Variants in NEK6 observed in about 807,000 individuals in gnomAD.
NEK6 encodes the protein serine/threonine-protein kinase Nek6.
Under a neutral mutation model 43.5 loss-of-function variants are expected in NEK6, and 27 were observed. The observed-to-expected ratio is 0.62, with a 90% confidence interval of 0.46 to 0.86. The LOEUF is 0.86. NEK6 is among the 40% of genes least tolerant of loss of function. The pLI is 0.00. For missense variants in NEK6, 318 were observed against 414.4 expected (o/e 0.77, Z 2.02); for synonymous variants, 167 against 164.1 (o/e 1.02, Z -0.14).
At chr9:124,342,353 G>A (rs1419282975) in intron 8 of NEK6, among the ~76,000 whole-genome samples, 6 of 152,246 alleles carry the variant, frequency 3.9e-5, no homozygotes, top group Non-Finnish European at 7.3e-5. Flanking sequence ...ACGTGTCTGT[G>A]TGTAGGCAGC....
intron 7 of NEK6, among the ~76,000 whole-genome samples, chr9:124,330,235 G>T (rs1040789951): frequency 6.6e-6 from 1 of 152,226 alleles, no homozygotes; most frequent in Admixed American, 6.5e-5. Flanking sequence ...CAGAATGAGC[G>T]TCAGACGAAT....
intron 7 of NEK6, among the ~76,000 whole-genome samples, chr9:124,333,999 G>A (rs1464311889): frequency 2.0e-5 from 3 of 151,906 alleles, no homozygotes; most frequent in Admixed American, 1.3e-4. Context: ...GGATGGTCTC[G>A]ATCTCCTGAC....
At chr9:124,328,101 G>A (rs943073557) in intron 7 of NEK6, among the ~76,000 whole-genome samples, 2 of 152,208 alleles carry the variant, frequency 1.3e-5, no homozygotes, top group African/African-American at 4.8e-5. Flanking sequence ...GGGGGGTGCT[G>A]AAGGGCTGGA....
chr9:124,294,411 G>C (rs1004902639), intron 1 of NEK6, among the ~76,000 whole-genome samples: 1 of 151,806 alleles, frequency 6.6e-6, no homozygotes, highest in Non-Finnish European at 1.5e-5. Flanking sequence ...AGAATCACTT[G>C]AACCCAGGAG....
In NEK6 at chr9:124,337,534, G is replaced by C. The variant is rs999645527; in HGVS notation, c.623-2037G>C. ...ACAATAATGTGCTGTTTTGTGCCTG[G>C]TTTCTTTTACCCAGCATTATGTCCA... is the stretch of plus-strand genomic sequence containing the variant. On this transcript the variant is annotated intron_variant, in intron 7 of 9. Coordinates refer to ENST00000320246, the MANE Select transcript of NEK6 (RefSeq NM_014397.6). Among the ~76,000 whole-genome samples the C allele has an allele frequency of 4.6e-5, 7 of 152,276 alleles. No individual in the cohort carries two copies. In the East Asian group the frequency reaches 1.3e-3, roughly 29 times the overall value.
chr9:124,261,636 C>G (rs1831034478), intron 1 of NEK6: 3 of 950,576 alleles, frequency 3.2e-6, no homozygotes, highest in Non-Finnish European at 3.8e-6. Context: ...TTTTTCCCTG[C>G]TCATTTCCAT....
intron 7 of NEK6, among the ~76,000 whole-genome samples, chr9:124,333,567 G>A (rs1053395713): frequency 1.2e-4 from 18 of 152,126 alleles, no homozygotes; most frequent in African/African-American, 3.6e-4. Flanking sequence ...GATGCTCACC[G>A]AGCGTCTGAA....
chr9:124,303,321 C>T lies in NEK6; in HGVS notation c.90+1267C>T, dbSNP rs369881613. 1.3e-3 allele frequency among the ~76,000 whole-genome samples: 204 copies of T among 151,952 alleles called. 1 individual carries two copies. The highest frequency in any genetic ancestry group is 4.5e-3 in the African/African-American group (188 of 41,502). ...GCCATGGAGGGCTTGATTACAGCTT[C>T]TAACTGCCTAATCCCTCTTGGAAGA... On this transcript the variant is annotated intron_variant, in intron 2 of 9. Transcript: ENST00000320246.
At chr9:124,299,281 C>T (rs534590724) in intron 1 of NEK6, among the ~76,000 whole-genome samples, 2 of 152,352 alleles carry the variant, frequency 1.3e-5, no homozygotes, top group African/African-American at 2.4e-5. Context: ...CCACTCTTTC[C>T]CTGGAGGTCT....
intron 9 of NEK6, among the ~76,000 whole-genome samples, chr9:124,349,332 T>C (rs1367009840): frequency 6.6e-6 from 1 of 152,242 alleles, no homozygotes; most frequent in Non-Finnish European, 1.5e-5. Context: ...ATTCAGAAGC[T>C]TGAAGCTGTG....
chr9:124,349,107 C>T (rs566292781), intron 9 of NEK6, among the ~76,000 whole-genome samples: 1 of 152,336 alleles, frequency 6.6e-6, no homozygotes, highest in East Asian at 1.9e-4. Flanking sequence ...TGAGCCTGTG[C>T]TTGCTGGCGT....
chr9:124,347,872 G>GAGGCCA, intron 9 of NEK6, 50 bp downstream of exon 9: 1 of 1,103,912 alleles, frequency 9.1e-7, no homozygotes, highest in African/African-American at 1.5e-5. Context: ...GGCCACCGAG[G>GAGGCCA]CTTATGAGGG....
chr9:124,334,105 C>T (rs567529054), intron 7 of NEK6, among the ~76,000 whole-genome samples: 1 of 152,204 alleles, frequency 6.6e-6, no homozygotes, highest in Non-Finnish European at 1.5e-5. Flanking sequence ...ACATGGTCTA[C>T]TGGCTGTTTC....
chr9:124,315,314 T>G (rs1833760717), intron 4 of NEK6, among the ~76,000 whole-genome samples: 1 of 151,812 alleles, frequency 6.6e-6, no homozygotes, highest in African/African-American at 2.4e-5. Context: ...TTATGGGAGG[T>G]TGGGGAGACA....
chr9:124,272,259 A>G (rs1478315299), intron 1 of NEK6, among the ~76,000 whole-genome samples: 2 of 152,192 alleles, frequency 1.3e-5, no homozygotes, highest in African/African-American at 2.4e-5. Context: ...TCCCTAAGGA[A>G]TTCATCCCTT....
chr9:124,297,256 G>A (rs1832738698), intron 1 of NEK6, among the ~76,000 whole-genome samples: 1 of 152,194 alleles, frequency 6.6e-6, no homozygotes, highest in African/African-American at 2.4e-5. Flanking sequence ...CGCCTCCATT[G>A]TACAAGTGAG....
chr9:124,308,185 A>C (rs1398454708), intron 2 of NEK6, among the ~76,000 whole-genome samples: 1 of 152,220 alleles, frequency 6.6e-6, no homozygotes, highest in Non-Finnish European at 1.5e-5. Flanking sequence ...GGGAAGTGGC[A>C]GAATTGAGGT....
intron 5 of NEK6, among the ~76,000 whole-genome samples, chr9:124,323,473 G>A (rs1307961837): frequency 6.6e-6 from 1 of 152,334 alleles, no homozygotes; most frequent in East Asian, 1.9e-4. Context: ...CTGGAGGCCG[G>A]GTGGAAGGAG....
chr9:124,292,493 C>T (rs1299574228), intron 1 of NEK6: 2 of 1,536,968 alleles, frequency 1.3e-6, no homozygotes, highest in African/African-American at 2.7e-5. Context: ...GCTTTCCCTG[C>T]ATGGAGGCCA....
Sources: gnomAD v4.1 joint callset for allele counts (sites outside exome capture counted in the v4.1 genomes callset) on GRCh38, gnomAD v4.1.1 for gene constraint, MANE v1.5 for transcripts, NCBI Gene and HGNC (gene_info 2026-07-23, HGNC 2026-07-21) for gene names.